The following LPP variants were observed in gnomAD, a reference collection of about 807,000 sequenced individuals.
The protein encoded by LPP is lipoma-preferred partner.
Under a neutral mutation model 60.4 loss-of-function variants are expected in LPP, and 38 were observed. The observed-to-expected ratio is 0.63, with a 90% CI of 0.49 to 0.83. The LOEUF (loss-of-function observed/expected upper bound fraction) is 0.83, where lower values mean the gene tolerates loss of function less well. LPP is among the 40% of genes least tolerant of loss of function. The pLI is 0.00. For missense variants in LPP, 902 were observed against 783.6 expected, an observed-to-expected ratio of 1.15 and a Z score of -1.80; for synonymous variants, 328 against 290.8, an observed-to-expected ratio of 1.13 and a Z score of -1.30.
chr3:188,335,174 A>G (rs1046444194), intron 2 of LPP, among the ~76,000 whole-genome samples: 1 of 152,212 alleles, frequency 6.6e-6, no homozygotes, highest in South Asian at 2.1e-4. Context: ...TGGGTTTATC[A>G]TGTGAAGTGT....
chr3:188,206,107 G>T (rs1016356060), intron 1 of LPP, among the ~76,000 whole-genome samples: 1 of 152,134 alleles, frequency 6.6e-6, no homozygotes, highest in African/African-American at 2.4e-5. Context: ...TCAGCCTAGA[G>T]CTCCCTTACC....
chr3:188,239,338 T>A (rs1215008638), intron 2 of LPP, among the ~76,000 whole-genome samples: 1 of 152,224 alleles, frequency 6.6e-6, no homozygotes, highest in Non-Finnish European at 1.5e-5. Context: ...GCTTCCTCAT[T>A]TTATTTAAAA....
chr3:188,182,055 C>T lies in LPP; in HGVS notation c.-190+27803C>T, dbSNP rs1052316710. Among the ~76,000 whole-genome samples, 1 of 152,186 alleles carries T rather than the reference C, an allele frequency of 6.6e-6. No homozygotes were observed. The highest frequency in any genetic ancestry group is 1.5e-5 in the Non-Finnish European group (1 of 68,040). On this transcript the variant is annotated intron_variant, in intron 1 of 11. Transcript: ENST00000617246. This position sits in a 1 kb window ranked among gnomAD's most constrained non-coding sequence, Gnocchi z 4.4. ...ATAGAATTTAAGGCACATTTTATTG[C>T]GAGTATTTGCTGAGATGTCTCTTTC...
chr3:188,680,408 A>G (rs1485369825), intron 7 of LPP, among the ~76,000 whole-genome samples: 1 of 152,226 alleles, frequency 6.6e-6, no homozygotes, highest in Non-Finnish European at 1.5e-5. Flanking sequence ...AATGCTCACA[A>G]TCTTTCATAT....
At chr3:188,771,248 A>T (rs1735860054) in intron 9 of LPP, among the ~76,000 whole-genome samples, 2 of 152,140 alleles carry the variant, frequency 1.3e-5, no homozygotes, top group Non-Finnish European at 2.9e-5. Flanking sequence ...TATCAAAAAA[A>T]ATTTAAAAAG....
intron 2 of LPP, among the ~76,000 whole-genome samples, chr3:188,292,977 T>C (rs1449723459): frequency 6.6e-6 from 1 of 152,234 alleles, no homozygotes; most frequent in African/African-American, 2.4e-5. Flanking sequence ...TACTGTGTAA[T>C]AATTAGCTCC....
At position 188,677,920 on chromosome 3, in the gene LPP, G is replaced by A. The variant is rs74369868; in HGVS notation, c.1114-30347G>A. Among the ~76,000 whole-genome samples the A allele has an allele frequency of 4.1e-3, 629 of 152,236 alleles. 3 individuals carry two copies. The highest frequency in any genetic ancestry group is 6.7e-3 in the Non-Finnish European group (455 of 68,012). ...GACAGTAGCTTGACAATTTGGAAAT[G>A]ACAGAGGACGCTGATACTTGAAATC... On this transcript the variant is annotated intron_variant, in intron 7 of 11. Coordinates refer to ENST00000617246, the MANE Select transcript of LPP (RefSeq NM_001375462.1).
At chr3:188,772,612 G>A (rs762326067) in intron 9 of LPP, among the ~76,000 whole-genome samples, 9 of 151,810 alleles carry the variant, frequency 5.9e-5, no homozygotes, top group Admixed American at 1.3e-4. Flanking sequence ...CTCCTGCCTC[G>A]GCCTCCCGAG....
rs1741265689 is a variant in LPP at position 188,785,411 on chromosome 3, ATATATTC to A, written c.1410+25130_1410+25136del. ...CATATATATATATTCCATCATATAT[ATATATTC>A]CATCATATATATATTCCATCATATA... On this transcript the variant is annotated intron_variant, in intron 9 of 11. Coordinates refer to ENST00000617246, the MANE Select transcript of LPP (RefSeq NM_001375462.1). Among the ~76,000 whole-genome samples, 6 of 11,904 alleles carry A rather than the reference ATATATTC, an allele frequency of 5.0e-4. 1 individual carries two copies. The highest frequency in any genetic ancestry group is 3.7e-3 in the African/African-American group (6 of 1,620). The allele number at this position is 11,904 out of a possible 152,430, so 7.8% of individuals were successfully genotyped here. A position where few individuals can be genotyped will look rare whatever the true frequency, so the allele number is the denominator to read the frequency against.
intron 4 of LPP, among the ~76,000 whole-genome samples, chr3:188,410,143 G>A (rs1784562361): frequency 6.6e-6 from 1 of 152,166 alleles, no homozygotes; most frequent in Non-Finnish European, 1.5e-5. Context: ...GCACCTAGCA[G>A]GATACCTGAC....
chr3:188,158,833 G>A (rs1031462259), intron 1 of LPP, among the ~76,000 whole-genome samples: 4 of 152,066 alleles, frequency 2.6e-5, no homozygotes, highest in Non-Finnish European at 4.4e-5. Context: ...AGCTCAAATC[G>A]ACATTGCTTG....
At chr3:188,446,077 G>A (rs1001149333) in intron 4 of LPP, among the ~76,000 whole-genome samples, 2 of 152,162 alleles carry the variant, frequency 1.3e-5, no homozygotes, top group Admixed American at 1.3e-4. Context: ...TGAAGGCAGC[G>A]GTCTTGCCAC....
At chr3:188,564,808 C>A (rs1166409459) in intron 6 of LPP, among the ~76,000 whole-genome samples, 1 of 151,848 alleles carries the variant, frequency 6.6e-6, no homozygotes, top group African/African-American at 2.4e-5. Context: ...TTTCCTTGTC[C>A]GGTGGGTCTT....
At chr3:188,651,612 C>G (rs1852101060) in intron 7 of LPP, among the ~76,000 whole-genome samples, 1 of 152,124 alleles carries the variant, frequency 6.6e-6, no homozygotes, top group Non-Finnish European at 1.5e-5. Flanking sequence ...CTGGGGAGGT[C>G]TCACAGTCAT....
intron 7 of LPP, among the ~76,000 whole-genome samples, chr3:188,657,543 T>A (rs1225884746): frequency 6.6e-6 from 1 of 152,018 alleles, no homozygotes; most frequent in Non-Finnish European, 1.5e-5. Context: ...TTGCTACTCG[T>A]GAGTTTATCT....
At chr3:188,327,654 G>T (rs907697242) in intron 2 of LPP, among the ~76,000 whole-genome samples, 1 of 152,104 alleles carries the variant, frequency 6.6e-6, no homozygotes, top group Non-Finnish European at 1.5e-5. Context: ...ACATCATACA[G>T]ATGTTTCAGT....
At chr3:188,229,795 A>G (rs1006175098) in intron 2 of LPP, among the ~76,000 whole-genome samples, 1 of 152,220 alleles carries the variant, frequency 6.6e-6, no homozygotes, top group African/African-American at 2.4e-5. Context: ...TCTACTCTAC[A>G]TTAGGCATGG....
intron 9 of LPP, among the ~76,000 whole-genome samples, chr3:188,829,799 C>T (rs1182070437): frequency 2.6e-5 from 4 of 152,106 alleles, no homozygotes; most frequent in Non-Finnish European, 5.9e-5. Context: ...CTGAATAGTG[C>T]CTTGAAGCCT....
At chr3:188,740,307 T>C (rs1419341662) in intron 8 of LPP, among the ~76,000 whole-genome samples, 2 of 152,144 alleles carry the variant, frequency 1.3e-5, no homozygotes, top group Admixed American at 6.6e-5. Flanking sequence ...CTGTGGACTT[T>C]AGAGTGTACT....
Sources: gnomAD v4.1 joint callset for allele counts (sites outside exome capture counted in the v4.1 genomes callset) on GRCh38, gnomAD v4.1.1 for gene constraint, Gnocchi (gnomAD v3.1) non-coding constraint, MANE v1.5 for transcripts, NCBI Gene and HGNC (gene_info 2026-07-23, HGNC 2026-07-21) for gene names.